The following SHPRH variants were observed in gnomAD, a reference collection of about 807,000 sequenced individuals.
SHPRH encodes SNF2 histone linker PHD RING helicase.
A neutral mutation model predicts 202.5 loss-of-function variants in SHPRH; 106 were observed. That is an observed-to-expected ratio of 0.52 (90% CI 0.45 to 0.62). The LOEUF is 0.62. SHPRH is among the 20% of genes least tolerant of loss of function. The pLI, the probability that SHPRH is intolerant of heterozygous loss-of-function variation, is 0.00. For synonymous variants in SHPRH, 729 were observed against 686.0 expected (o/e 1.06, Z -0.98); for missense variants, 1,710 against 2,020.0 (o/e 0.85, Z 2.94).
chr6:145,939,677 C>A (rs558046412), intron 11 of SHPRH, among the ~76,000 whole-genome samples: 143 of 152,188 alleles, frequency 9.4e-4, no homozygotes, highest in African/African-American at 3.3e-3. Context: ...GAAAGGAGAC[C>A]ACTAAATGTG....
chr6:145,897,336 A>G (rs1242646826), intron 25 of SHPRH, among the ~76,000 whole-genome samples: 1 of 152,100 alleles, frequency 6.6e-6, no homozygotes, highest in Non-Finnish European at 1.5e-5. Context: ...AGACTGAATC[A>G]CAAAGAAACA....
At chr6:145,955,387 CAA>C in intron 1 of SHPRH, 33 bp from the exon 2 acceptor site, 4 of 1,515,438 alleles carry the variant, frequency 2.6e-6, no homozygotes, top group Non-Finnish European at 3.5e-6. Flanking sequence ...GGAGGTATAA[CAA>C]GAGATGATTT....
At chr6:145,927,353 T>C in intron 14 of SHPRH, 76 bp from the exon 15 acceptor site, 1 of 1,229,530 alleles carries the variant, frequency 8.1e-7, no homozygotes, top group South Asian at 1.3e-5. Context: ...TGTCCATTAT[T>C]TAAGAATACT....
downstream of SHPRH, chr6:145,884,057 A>C (rs1300596075): frequency 1.3e-5 from 2 of 152,198 alleles, no homozygotes; most frequent in Non-Finnish European, 2.9e-5. Context: ...ATGATTTCTT[A>C]CTTTATCCAC....
chr6:145,943,385 G>A lies in SHPRH; in HGVS notation c.1996C>T (p.Leu666Phe). 1.9e-6 allele frequency: 3 copies of A among 1,614,002 alleles called. No individual in the cohort carries two copies. Among genetic ancestry groups the A allele is most frequent in the Non-Finnish European group, 2.5e-6 (3 of 1,179,946 alleles). Residue 666 changes from leucine to phenylalanine, a missense_variant, in exon 9 of 30, where the codon CTT (leucine) becomes TTT (phenylalanine). Physicochemically the swap from Leu to Phe is conservative, Grantham distance 22. Coordinates refer to ENST00000275233, the MANE Select transcript of SHPRH (RefSeq NM_001042683.3). ...DYRFECICGE[L>F]DQIDRKPRVQ... ...CGAGGCTTACGATCTATCTGATCAA[G>A]TTCACCACATATACACTCAAAGCGG... is the stretch of plus-strand genomic sequence containing the variant.
At position 145,897,940 on chromosome 6, in the gene SHPRH, C is replaced by G. The variant is rs1236393291; in HGVS notation, c.4516-2963G>C. Among the ~76,000 whole-genome samples, 7 of 152,192 alleles carry G rather than the reference C, an allele frequency of 4.6e-5. No individual in the cohort carries two copies. In the East Asian group the frequency reaches 7.7e-4, roughly 17 times the overall value. On this transcript the variant is annotated intron_variant, in intron 25 of 29. Coordinates refer to ENST00000275233, the MANE Select transcript of SHPRH (RefSeq NM_001042683.3). Reference sequence around the variant, plus strand: ...CAATGGTGAAAAGCTCAAAGCTTTTCCTTTAAGATCAGCAAAACACAAATG... The same window carrying G: ...CAATGGTGAAAAGCTCAAAGCTTTTGCTTTAAGATCAGCAAAACACAAATG...
chr6:145,913,652 AT>A, intron 23 of SHPRH, 103 bp from the exon 24 acceptor site: 1 of 827,736 alleles, frequency 1.2e-6, no homozygotes, highest in Non-Finnish European at 1.9e-6. Flanking sequence ...GGCAATTACA[AT>A]TTACATAATC....
At chr6:145,867,631 T>TATATATATATATATATAGAGAGAG (rs1554220329) in intron 2 of SHPRH, among the ~76,000 whole-genome samples, 2 of 22,318 alleles carry the variant, frequency 9.0e-5, no homozygotes, top group African/African-American at 4.3e-4. Context: ...TATATATATA[T>TATATATATATATATATAGAGAGAG]AGAGAGAGAG....
In SHPRH at chr6:145,935,127, G is replaced by C; in HGVS notation, c.2770C>G (p.Leu924Val). 1 of 1,613,698 alleles carries C rather than the reference G, an allele frequency of 6.2e-7. No individual in the cohort carries two copies. The highest frequency in any genetic ancestry group is 8.5e-7 in the Non-Finnish European group (1 of 1,179,944). ...IPPQTEEIHW[L>V]HFSPVERHFY... ...TGCCTTTCCACTGGAGAAAAGTGGA[G>C]CCAGTGTATTTCTTCGGTTTGTGGT... The change falls in exon 13 of 30, where the codon CTC becomes GTC. Residue 924 changes from leucine to valine, a missense_variant. By Grantham distance (32) the Leu-to-Val change is conservative (BLOSUM62 1). This residue lies in a region of SHPRH where 277 missense variants were observed against 363.0 expected (regional missense o/e 0.76). Coordinates refer to ENST00000275233, the MANE Select transcript of SHPRH (RefSeq NM_001042683.3).
chr6:145,867,703 G>A (rs1779865104), intron 2 of SHPRH, among the ~76,000 whole-genome samples: 1 of 137,488 alleles, frequency 7.3e-6, no homozygotes, highest in Non-Finnish European at 1.5e-5. Context: ...AGACAGAAGA[G>A]AAAAGGCACT....
chr6:145,943,544 C>G lies in SHPRH; in HGVS notation c.1837G>C (p.Ala613Pro), dbSNP rs1183786805. ...GAGATACATGTACTTTTAGACATAG[C>G]AACATCAGTTATTCCAGAGTCGCTA... is the stretch of plus-strand genomic sequence containing the variant. ...ATSDSGITDV[A>P]MSKSTCISEF... The change falls in exon 9 of 30, where the codon GCT (alanine) becomes CCT (proline). Residue 613 changes from alanine to proline, a missense_variant. Around this residue, in one of 8 missense-constraint regions of SHPRH, gnomAD observed 348 missense variants for 356.9 expected, o/e 0.97. Coordinates refer to ENST00000275233, the MANE Select transcript of SHPRH (RefSeq NM_001042683.3). 1 of 1,613,884 alleles carries G rather than the reference C, an allele frequency of 6.2e-7. No homozygotes were observed. The highest frequency in any genetic ancestry group is 1.3e-5 in the African/African-American group (1 of 74,898).
At chr6:145,908,072 T>C (rs538436877) in intron 25 of SHPRH, 1 of 152,124 alleles carries the variant, frequency 6.6e-6, no homozygotes, top group Non-Finnish European at 1.5e-5. Flanking sequence ...GCTTCATCCA[T>C]GTCCCTGCAA....
intron 11 of SHPRH, among the ~76,000 whole-genome samples, chr6:145,937,140 T>C (rs1428035269): frequency 2.0e-5 from 3 of 151,854 alleles, no homozygotes; most frequent in Admixed American, 6.6e-5. Context: ...TCTGCCACCA[T>C]GTCCAGCTAA....
intron 25 of SHPRH, 76 bp from the exon 26 acceptor site, chr6:145,895,053 T>G (rs1054028697): frequency 2.4e-6 from 3 of 1,241,064 alleles, no homozygotes; most frequent in Middle Eastern, 1.9e-4. Flanking sequence ...CAATACAAAG[T>G]ACTTTTTATT....
At chr6:145,866,011 GT>G (rs1246603298) in intron 2 of SHPRH, among the ~76,000 whole-genome samples, 1 of 152,152 alleles carries the variant, frequency 6.6e-6, no homozygotes, top group Non-Finnish European at 1.5e-5. Context: ...CCTTCCTCTG[GT>G]GATCTGATTC....
At chr6:145,872,849 A>G (rs923266200) in intron 2 of SHPRH, among the ~76,000 whole-genome samples, 1 of 152,266 alleles carries the variant, frequency 6.6e-6, no homozygotes, top group African/African-American at 2.4e-5. Flanking sequence ...AATACTATGC[A>G]GGCATAAAAA....
chr6:145,908,847 T>C (rs1783215542), intron 25 of SHPRH: 1 of 152,220 alleles, frequency 6.6e-6, no homozygotes. Context: ...TGAATGGTAC[T>C]GCCTAGGTTT....
chr6:145,935,088 G>GA lies in SHPRH; in HGVS notation c.2808dup (p.Gln937SerfsTer3). ...ACATCCTGGCAGCACACCTCATGCT[G>GA]ACGGTGATAGAAATGCCTTTCCACT... On this transcript the variant is annotated frameshift_variant, in exon 13 of 30. Transcript: ENST00000275233. LOFTEE classifies it high-confidence loss of function. The GA allele has an allele frequency of 6.2e-7, 1 of 1,613,670 alleles. No individual in the cohort carries two copies. Among genetic ancestry groups the GA allele is most frequent in the Non-Finnish European group, 8.5e-7 (1 of 1,179,948 alleles).
chr6:145,957,673 CTAAAA>C (rs1222475542), intron 1 of SHPRH, among the ~76,000 whole-genome samples: 7 of 152,102 alleles, frequency 4.6e-5, no homozygotes, highest in African/African-American at 1.7e-4. Context: ...TATTCATATA[CTAAAA>C]TAGTCAAAAA....
Sources: gnomAD v4.1 joint callset for allele counts (sites outside exome capture counted in the v4.1 genomes callset) on GRCh38, gnomAD v4.1.1 for gene constraint, gnomAD v4.1.1 regional missense constraint, MANE v1.5 for transcripts, NCBI Gene and HGNC (gene_info 2026-07-23, HGNC 2026-07-21) for gene names.